Variants in SYMPK observed in about 807,000 individuals in gnomAD.
SYMPK encodes the protein symplekin.
Under a neutral mutation model 136.4 loss-of-function variants are expected in SYMPK, and 49 were observed. That is an observed-to-expected ratio of 0.36 (90% confidence interval 0.29 to 0.46). The LOEUF (loss-of-function observed/expected upper bound fraction) is 0.46. Among genes scored for constraint, SYMPK ranks in the 20% least tolerant of loss-of-function variants. SYMPK has a pLI of 1.00. For synonymous variants in SYMPK, 766 were observed against 713.0 expected, an observed-to-expected ratio of 1.07 and a Z score of -1.19; for missense variants, 1,365 against 1,690.0, an observed-to-expected ratio of 0.81 and a Z score of 3.37.
intron 1 of SYMPK, among the ~76,000 whole-genome samples, chr19:45,862,770 G>C (rs1159862141): frequency 6.6e-6 from 1 of 152,236 alleles, no homozygotes; most frequent in African/African-American, 2.4e-5. Context: ...CGCATGGCAA[G>C]TTTAAGGAAC....
Position 45,843,615 on chromosome 19 carries a change from C to T in SYMPK, c.847+415G>A, listed in dbSNP as rs375609116. ...TCAGGCCTGCCAGATGGATGACTAGCGCTCGGGGTCCACCACGGAGCTACA... is the reference window on the plus strand; with the variant it reads ...TCAGGCCTGCCAGATGGATGACTAGTGCTCGGGGTCCACCACGGAGCTACA... On this transcript the variant is annotated intron_variant, in intron 8 of 26. Coordinates refer to ENST00000245934, the MANE Select transcript of SYMPK (RefSeq NM_004819.3). Among the ~76,000 whole-genome samples, 139 of 152,234 alleles carry T rather than the reference C, an allele frequency of 9.1e-4. 1 individual carries two copies. Among genetic ancestry groups the T allele is most frequent in the African/African-American group, 3.2e-3 (131 of 41,544 alleles).
intron 7 of SYMPK, among the ~76,000 whole-genome samples, chr19:45,846,877 T>A (rs1204628937): frequency 6.6e-6 from 1 of 151,508 alleles, no homozygotes; most frequent in Non-Finnish European, 1.5e-5. Context: ...CACTGCAACC[T>A]CTGCCTCCTG....
At chr19:45,829,819 T>G (rs1394829461) in intron 13 of SYMPK, among the ~76,000 whole-genome samples, 1 of 152,240 alleles carries the variant, frequency 6.6e-6, no homozygotes, top group Non-Finnish European at 1.5e-5. Flanking sequence ...ACCTGCCCTG[T>G]GCACCTGAGT....
At chr19:45,817,596 C>T (rs1434100164) in intron 23 of SYMPK, among the ~76,000 whole-genome samples, 3 of 151,938 alleles carry the variant, frequency 2.0e-5, no homozygotes, top group African/African-American at 7.2e-5. Flanking sequence ...CACACCTGGC[C>T]TTATCGTGGT....
In SYMPK at chr19:45,848,876, G is replaced by C. The variant is rs1971628121; in HGVS notation, c.300C>G (p.Cys100Trp). Residue 100 changes from cysteine (C) to tryptophan (W), a missense_variant and splice_region_variant, in exon 6 of 27, where the codon TGC becomes TGG. Physicochemically the swap from Cys to Trp is radical, Grantham distance 215. Coordinates refer to ENST00000245934, the MANE Select transcript of SYMPK (RefSeq NM_004819.3). ...TCAGCAGCAACTCAATGTCTCGCTT[G>C]CTGAGGGATGGAGAAAAAAGGGGCG... ...KFVIGFIEEA[C>W]KRDIELLLKL... The C allele has an allele frequency of 6.2e-7, 1 of 1,613,988 alleles. No individual in the cohort carries two copies. The highest frequency in any genetic ancestry group is 8.5e-7 in the Non-Finnish European group (1 of 1,180,012).
intron 11 of SYMPK, among the ~76,000 whole-genome samples, chr19:45,834,603 C>T (rs961976991): frequency 6.6e-6 from 1 of 152,046 alleles, no homozygotes; most frequent in African/African-American, 2.4e-5. Context: ...GCAAATACTC[C>T]AAATCCAAAG....
At position 45,838,601 on chromosome 19, in the gene SYMPK, C is replaced by A. The variant is rs772213959; in HGVS notation, c.1102G>T (p.Glu368Ter). 1 of 1,613,742 alleles carries A rather than the reference C, an allele frequency of 6.2e-7. No individual in the cohort carries two copies. The highest frequency in any genetic ancestry group is 8.5e-7 in the Non-Finnish European group (1 of 1,179,740). ...TCCAAGTCTTTGTCCTCATCGTCCTCCCCCAGGTTGGGCTCTGGGATGAGG... is the reference window on the plus strand; with the variant it reads ...TCCAAGTCTTTGTCCTCATCGTCCTACCCCAGGTTGGGCTCTGGGATGAGG... ...KKMKLEPNLG[E>*]DDEDKDLEPG... Residue 368 changes from glutamate to a stop codon, truncating the protein, a stop_gained, in exon 10 of 27, where the codon GAG becomes TAG. Transcript: ENST00000245934. LOFTEE classifies it high-confidence loss of function.
rs373901792 is a variant in SYMPK, at chr19:45,829,140, C to T, written c.1815G>A (p.Leu605=). ...QFNSGLKAEV[L]SFILEDVRAR... The stretch of plus-strand genomic sequence containing the variant: ...CCCGCACATCCTCCAGGATGAAGGA[C>T]AGGACCTCCGCCTTCAGGCCCGAGT... Residue 605 remains leucine, a synonymous_variant, in exon 14 of 27, where the codon CTG becomes CTA. Transcript: ENST00000245934. 15 of 1,614,090 alleles carry T rather than the reference C, an allele frequency of 9.3e-6. 1 individual carries two copies. The highest frequency in any genetic ancestry group is 1.3e-5 in the African/African-American group (1 of 74,926).
At chr19:45,859,076 G>T (rs1971900098) in intron 1 of SYMPK, among the ~76,000 whole-genome samples, 1 of 152,092 alleles carries the variant, frequency 6.6e-6, no homozygotes, top group African/African-American at 2.4e-5. Context: ...CCCCGGCCTA[G>T]AACAGGGATT....
intron 3 of SYMPK, among the ~76,000 whole-genome samples, chr19:45,853,019 C>T (rs1379596832): frequency 6.6e-6 from 1 of 152,212 alleles, no homozygotes; most frequent in Non-Finnish European, 1.5e-5. Context: ...CTGCCAGGCT[C>T]TTTGGAGTAA....
intron 9 of SYMPK, 70 bp downstream of exon 9, chr19:45,842,180 G>T: frequency 1.3e-6 from 2 of 1,593,130 alleles, no homozygotes; most frequent in Non-Finnish European, 1.7e-6. Context: ...TACAAATTCA[G>T]CATAGTTTAA....
intron 1 of SYMPK, chr19:45,862,692 A>G (rs1392022994): frequency 1.0e-5 from 2 of 193,342 alleles, no homozygotes; most frequent in Non-Finnish European, 2.1e-5. Flanking sequence ...GAGTTAGCCA[A>G]GCCGAATGGG....
chr19:45,821,511 G>A lies in SYMPK; in HGVS notation c.2792-26C>T, dbSNP rs766618355. 6 of 1,541,506 alleles carry A rather than the reference G, an allele frequency of 3.9e-6. No homozygotes were observed. The highest frequency in any genetic ancestry group is 4.5e-6 in the Non-Finnish European group (5 of 1,115,052). On this transcript the variant is annotated intron_variant, in intron 21 of 26. Coordinates refer to ENST00000245934, the MANE Select transcript of SYMPK (RefSeq NM_004819.3). The surrounding 1 kb of genome is among the most constrained non-coding windows in gnomAD (Gnocchi z 4.4). Reference sequence around the variant, plus strand: ...CTGCAGCAGGCGGGAGGAAGGGTGGGGGAAGACAGTGCGGACGCATAAGTG... The same window carrying A: ...CTGCAGCAGGCGGGAGGAAGGGTGGAGGAAGACAGTGCGGACGCATAAGTG...
At chr19:45,842,216 G>A (rs1204662062) in intron 9 of SYMPK, 34 bp downstream of exon 9, 2 of 1,612,498 alleles carry the variant, frequency 1.2e-6, no homozygotes, top group South Asian at 1.1e-5. Flanking sequence ...ATTTCAGCAT[G>A]GTCTGCCTGC....
chr19:45,842,538 T>A (rs1287123021), intron 8 of SYMPK, 49 bp from the exon 9 acceptor site: 3 of 1,592,418 alleles, frequency 1.9e-6, no homozygotes, highest in Middle Eastern at 2.2e-4. Context: ...TCTCATGGCA[T>A]GCTGCCAGTC....
intron 10 of SYMPK, among the ~76,000 whole-genome samples, chr19:45,837,552 G>T (rs1971329619): frequency 7.4e-6 from 1 of 135,814 alleles, no homozygotes; most frequent in South Asian, 2.5e-4. Flanking sequence ...GGGAGGCGGA[G>T]ATTACAGTGA....
intron 12 of SYMPK, 172 bp downstream of exon 12, chr19:45,831,212 T>G (rs1433228778): frequency 2.3e-6 from 1 of 425,556 alleles, no homozygotes. Context: ...AGCAAAGGCT[T>G]AGTGGTTATG....
intron 13 of SYMPK, among the ~76,000 whole-genome samples, chr19:45,829,569 G>A (rs550922390): frequency 3.9e-5 from 6 of 152,100 alleles, no homozygotes; most frequent in African/African-American, 9.6e-5. Flanking sequence ...TGGATTCCCC[G>A]GAAATATTTT....
At chr19:45,824,413 A>G (rs897372874) in intron 18 of SYMPK, among the ~76,000 whole-genome samples, 3 of 152,138 alleles carry the variant, frequency 2.0e-5, no homozygotes, top group Admixed American at 2.0e-4. Flanking sequence ...CTGCCAGATA[A>G]CTTTTCTGCA....
Sources: allele counts gnomAD v4.1 joint callset (sites outside exome capture counted in the v4.1 genomes callset), GRCh38; gene constraint gnomAD v4.1.1; non-coding constraint Gnocchi (gnomAD v3.1); transcripts MANE v1.5; gene names NCBI Gene and HGNC (gene_info 2026-07-23, HGNC 2026-07-21).